Variants in LOXL4 observed in about 807,000 individuals in gnomAD.
LOXL4 encodes the protein lysyl oxidase homolog 4.
Under a neutral mutation model 89.1 loss-of-function variants are expected in LOXL4, and 72 were observed. That is an observed-to-expected ratio of 0.81 (90% CI 0.67 to 0.98). The LOEUF (loss-of-function observed/expected upper bound fraction) is 0.98. Among genes scored for constraint, LOXL4 ranks in the 50% least tolerant of loss-of-function variants. The probability of loss-of-function intolerance (pLI) is 0.00; values close to 1 mark genes in which losing one functional copy is unlikely to be tolerated. For missense variants in LOXL4, 984 were observed against 1,017.5 expected, an observed-to-expected ratio of 0.97 and a Z score of 0.45; for synonymous variants, 355 against 392.1, an observed-to-expected ratio of 0.91 and a Z score of 1.12.
rs1478158784 is a variant in LOXL4, at chr10:98,253,579, A to G, written c.1809T>C (p.Asp603=). 2 of 1,614,264 alleles carry G rather than the reference A, an allele frequency of 1.2e-6. No homozygotes were observed. Among genetic ancestry groups the G allele is most frequent in the South Asian group, 1.1e-5 (1 of 91,084 alleles). ...RTDFRPKTGR[D]SWVWHQCHRH... ...TGTGGCACTGGTGCCAAACCCAGCT[A>G]TCGCGTCCAGTCTTTGGACGAAAGT... is the stretch of plus-strand genomic sequence containing the variant. Residue 603 remains aspartate (D), a synonymous_variant, in exon 11 of 15, where the codon GAT becomes GAC. Coordinates refer to ENST00000260702, the MANE Select transcript of LOXL4 (RefSeq NM_032211.7).
rs577098168 is a variant in LOXL4, at chr10:98,251,583, C to T, written c.2071G>A (p.Gly691Arg). The T allele has an allele frequency of 4.5e-5, 73 of 1,614,036 alleles. No individual in the cohort carries two copies. Among genetic ancestry groups the T allele is most frequent in the African/African-American group, 6.7e-5 (5 of 74,934 alleles). ...CGCCTTACCTGGAAGATATAATTCC[C>T]GGGGCCCACATCTGTGATATCCACC... is the stretch of plus-strand genomic sequence containing the variant. ...QWVDITDVGPGNYIFQVIVNP... is the reference protein window; with the variant it reads ...QWVDITDVGPRNYIFQVIVNP... The change falls in exon 13 of 15, where the codon GGG becomes AGG. Residue 691 changes from glycine (G) to arginine (R), a missense_variant. Physicochemically the swap from Gly to Arg is moderately radical, Grantham distance 125. Coordinates refer to ENST00000260702, the MANE Select transcript of LOXL4 (RefSeq NM_032211.7).
Position 98,257,735 on chromosome 10 carries a change from G to GC in LOXL4, c.1174dup (p.Ala392GlyfsTer12), listed in dbSNP as rs768333827. 38 of 1,614,120 alleles carry GC rather than the reference G, an allele frequency of 2.4e-5. No individual in the cohort carries two copies. The highest frequency in any genetic ancestry group is 3.2e-5 in the Non-Finnish European group (38 of 1,179,996). On this transcript the variant is annotated frameshift_variant, in exon 8 of 15. Transcript: ENST00000260702. LOFTEE classifies it high-confidence loss of function. ...GCAACCATTCTGGGACCCTTCCAGG[G>GC]CAGGGCAGTCGCTGAGGGTCCGCTC...
At chr10:98,262,269 G>A in intron 2 of LOXL4, 56 bp from the exon 3 acceptor site, 1 of 1,584,422 alleles carries the variant, frequency 6.3e-7, no homozygotes, top group Non-Finnish European at 8.6e-7. Context: ...CACAGGCTCT[G>A]CCTCCTGCAT....
intron 3 of LOXL4, 82 bp from the exon 4 acceptor site, chr10:98,261,209 C>G (rs1858530952): frequency 6.8e-7 from 1 of 1,479,050 alleles, no homozygotes; most frequent in Non-Finnish European, 9.2e-7. Context: ...TGCAGAAAGG[C>G]TGGGGCTTGG....
intron 1 of LOXL4, among the ~76,000 whole-genome samples, chr10:98,264,669 C>G (rs929157523): frequency 2.0e-5 from 3 of 152,010 alleles, no homozygotes; most frequent in East Asian, 3.9e-4. Context: ...GTCCCGGGAC[C>G]AGCAGGTGGA....
intron 9 of LOXL4, chr10:98,256,574 A>G (rs1858372388): frequency 3.3e-6 from 2 of 600,582 alleles, no homozygotes; most frequent in Non-Finnish European, 5.8e-6. Context: ...TGCAGATGCA[A>G]ATGTGTCCCT....
chr10:98,254,264 T>C (rs778945068), intron 10 of LOXL4, among the ~76,000 whole-genome samples: 1 of 152,234 alleles, frequency 6.6e-6, no homozygotes, highest in Non-Finnish European at 1.5e-5. Context: ...TTAGTTCATA[T>C]AATCCTCTCA....
In LOXL4 at chr10:98,250,522, TAGAG is replaced by T. The variant is rs143418168; in HGVS notation, c.2200+539_2200+542del. Among the ~76,000 whole-genome samples, 262 of 152,300 alleles carry T rather than the reference TAGAG, an allele frequency of 1.7e-3. 1 individual carries two copies. The highest frequency in any genetic ancestry group is 5.7e-3 in the African/African-American group (239 of 41,572). On this transcript the variant is annotated intron_variant, in intron 14 of 14. Transcript: ENST00000260702. ...TATGGGCATTTTTAACCCTTGAAGATAGAGGGAGTCTTTACTGACAGAACAGCCC... is the reference window on the plus strand; with the variant it reads ...TATGGGCATTTTTAACCCTTGAAGATGGAGTCTTTACTGACAGAACAGCCC...
chr10:98,258,900 G>C, intron 6 of LOXL4, 109 bp downstream of exon 6: 1 of 764,064 alleles, frequency 1.3e-6, no homozygotes, highest in South Asian at 1.9e-5. Flanking sequence ...CCTCCTCCCA[G>C]TCTGGTTCCT....
In LOXL4 at chr10:98,265,371, CTATTATTATTATTATTATTAT is replaced by C. The variant is rs148906358; in HGVS notation, c.-32-2341_-32-2321del. On this transcript the variant is annotated intron_variant, in intron 1 of 14. Transcript: ENST00000260702. ...AGAGCAAGCCTTCAGTAACAATGAACTATTATTATTATTATTATTATTATTATTATTATTATTATTATTATT... is the reference window on the plus strand; with the variant it reads ...AGAGCAAGCCTTCAGTAACAATGAACTATTATTATTATTATTATTATTATT... 4.1e-3 allele frequency among the ~76,000 whole-genome samples: 490 copies of C among 118,794 alleles called. 60 individuals are homozygous for C. Among genetic ancestry groups the C allele is most frequent in the African/African-American group, 0.012 (395 of 32,426 alleles). The allele number at this position is 118,794 out of a possible 152,430, so 77.9% of individuals were successfully genotyped here. A position where few individuals can be genotyped will look rare whatever the true frequency, so the allele number is the denominator to read the frequency against.
In LOXL4 at chr10:98,248,732, C is replaced by T; in HGVS notation, c.*189G>A. On this transcript the variant is annotated 3_prime_UTR_variant, in exon 15 of 15. Coordinates refer to ENST00000260702, the MANE Select transcript of LOXL4 (RefSeq NM_032211.7). ...GGCCACAGGCCCTTAGGGGCAGGCC[C>T]AGAGCCATCCTGAGGGAGCAATACC... The T allele has an allele frequency of 1.7e-6, 1 of 598,056 alleles. No individual in the cohort carries two copies. The highest frequency in any genetic ancestry group is 2.0e-5 in the South Asian group (1 of 49,384). 37.0% of individuals were successfully genotyped at this position (598,056 alleles called of 1,614,324 possible). A position where few individuals can be genotyped will look rare whatever the true frequency, so the allele number is the denominator to read the frequency against.
At chr10:98,254,400 T>G (rs1285660611) in intron 10 of LOXL4, among the ~76,000 whole-genome samples, 5 of 152,196 alleles carry the variant, frequency 3.3e-5, no homozygotes, top group Non-Finnish European at 5.9e-5. Flanking sequence ...GCATGCCACC[T>G]GGGCAGGCCG....
chr10:98,253,361 T>A (rs549561047), intron 11 of LOXL4, among the ~76,000 whole-genome samples, 192 bp downstream of exon 11: 2 of 152,220 alleles, frequency 1.3e-5, no homozygotes, highest in East Asian at 1.9e-4. Flanking sequence ...ACCATTGACA[T>A]AGTGAAGGCG....
chr10:98,257,974 C>T lies in LOXL4; in HGVS notation c.1105+7G>A. The T allele has an allele frequency of 6.2e-7, 1 of 1,613,478 alleles. No homozygotes were observed. The highest frequency in any genetic ancestry group is 8.5e-7 in the Non-Finnish European group (1 of 1,179,750). On this transcript the variant is annotated splice_region_variant and intron_variant, in intron 7 of 14. Coordinates refer to ENST00000260702, the MANE Select transcript of LOXL4 (RefSeq NM_032211.7). Reference sequence around the variant, plus strand: ...CCTTCTAACCCCTCCCAGGCTGTCTCACTCACCTTGGCCCAGCCGGGCCCC... The same window carrying T: ...CCTTCTAACCCCTCCCAGGCTGTCTTACTCACCTTGGCCCAGCCGGGCCCC...
intron 6 of LOXL4, 71 bp downstream of exon 6, chr10:98,258,938 C>T (rs1454240089): frequency 4.6e-6 from 6 of 1,304,358 alleles, no homozygotes; most frequent in Admixed American, 2.6e-5. Context: ...GACCTCCCCG[C>T]ACCCCCCACC....
chr10:98,267,417 G>A (rs1858709139), intron 1 of LOXL4, among the ~76,000 whole-genome samples: 1 of 152,180 alleles, frequency 6.6e-6, no homozygotes, highest in Non-Finnish European at 1.5e-5. Context: ...CTGACCTAGC[G>A]CAGGTAGGGA....
intron 8 of LOXL4, 47 bp downstream of exon 8, chr10:98,257,603 G>C: frequency 1.3e-6 from 2 of 1,589,786 alleles, no homozygotes; most frequent in South Asian, 1.2e-5. Context: ...GGACTCCCCA[G>C]GGTTTCCCGG....
chr10:98,264,661 C>T (rs919139859), intron 1 of LOXL4, among the ~76,000 whole-genome samples: 1 of 151,984 alleles, frequency 6.6e-6, no homozygotes. Context: ...CAGCCTTGGT[C>T]CCGGGACCAG....
At chr10:98,249,981 C>T (rs1858142355) in intron 14 of LOXL4, among the ~76,000 whole-genome samples, 1 of 152,112 alleles carries the variant, frequency 6.6e-6, no homozygotes. Flanking sequence ...TCAATAGTTC[C>T]CAGAAGCCCA....
Sources: gnomAD v4.1 joint callset for allele counts (sites outside exome capture counted in the v4.1 genomes callset) on GRCh38, gnomAD v4.1.1 for gene constraint, MANE v1.5 for transcripts, NCBI Gene and HGNC (gene_info 2026-07-23, HGNC 2026-07-21) for gene names.